Variants in HERC2 observed in about 807,000 individuals in gnomAD.
The protein encoded by HERC2 is HECT and RLD domain containing E3 ubiquitin protein ligase 2.
In HERC2, 102 loss-of-function variants were observed where a neutral mutation model predicts 537.7. The observed-to-expected ratio is 0.19, with a 90% CI of 0.16 to 0.22. The LOEUF (loss-of-function observed/expected upper bound fraction) is 0.22. Among genes scored for constraint, HERC2 ranks in the 10% least tolerant of loss-of-function variants. The pLI, the probability that HERC2 is intolerant of heterozygous loss-of-function variation, is 1.00. For missense variants in HERC2, 4,236 were observed against 6,198.2 expected (o/e 0.68, Z 10.63); for synonymous variants, 2,224 against 2,466.2 (o/e 0.90, Z 2.91).
chr15:28,304,285 G>A (rs2076718950), intron 2 of HERC2, among the ~76,000 whole-genome samples: 1 of 151,116 alleles, frequency 6.6e-6, no homozygotes, highest in Non-Finnish European at 1.5e-5. Context: ...GGAGTTTTCA[G>A]GTTTTTCCAA....
chr15:28,242,289 A>C (rs1000779553), intron 23 of HERC2, among the ~76,000 whole-genome samples: 2 of 152,170 alleles, frequency 1.3e-5, no homozygotes, highest in African/African-American at 2.4e-5. Context: ...CTTAAATGGC[A>C]AATTTTACCA....
chr15:28,266,873 C>A (rs1298994467), intron 12 of HERC2, among the ~76,000 whole-genome samples: 1 of 152,104 alleles, frequency 6.6e-6, no homozygotes, highest in Non-Finnish European at 1.5e-5. Flanking sequence ...AAAACCCATC[C>A]AACTCTACAT....
At chr15:28,194,144 CA>C (rs374833090) in intron 52 of HERC2, among the ~76,000 whole-genome samples, 4 of 150,760 alleles carry the variant, frequency 2.7e-5, no homozygotes, top group African/African-American at 9.7e-5. Context: ...CGGCTCACTG[CA>C]AGCTCCACAT....
chr15:28,270,640 C>T, intron 10 of HERC2, 55 bp downstream of exon 10: 1 of 1,551,002 alleles, frequency 6.4e-7, no homozygotes. Flanking sequence ...GGATGAGAAC[C>T]TACAAGTGGT....
At chr15:28,185,970 A>G (rs1264904137) in intron 56 of HERC2, among the ~76,000 whole-genome samples, 1 of 152,246 alleles carries the variant, frequency 6.6e-6, no homozygotes, top group African/African-American at 2.4e-5. Flanking sequence ...TCATCATCAC[A>G]GTGCTCAGAT....
chr15:28,244,370 G>A (rs1903450040), intron 23 of HERC2, among the ~76,000 whole-genome samples: 1 of 152,188 alleles, frequency 6.6e-6, no homozygotes, highest in African/African-American at 2.4e-5. Flanking sequence ...TCCGAGAACA[G>A]ACAGAATTAA....
At chr15:28,212,303 C>T in intron 43 of HERC2, 142 bp downstream of exon 43, 1 of 724,760 alleles carries the variant, frequency 1.4e-6, no homozygotes, top group Non-Finnish European at 2.5e-6. Context: ...GGGTTACATT[C>T]CCAACCGCAA....
chr15:28,290,973 C>G (rs58395411), intron 4 of HERC2, among the ~76,000 whole-genome samples: 10,479 of 152,100 alleles, frequency 0.069, 882 homozygotes, highest in East Asian at 0.42. Flanking sequence ...AAGAGTAAAG[C>G]AGAAATCAAT....
At chr15:28,278,407 A>T (rs1178336178) in intron 5 of HERC2, among the ~76,000 whole-genome samples, 6 of 152,140 alleles carry the variant, frequency 3.9e-5, no homozygotes, top group Non-Finnish European at 8.8e-5. Flanking sequence ...TCATCTCTAG[A>T]TTACTATAAC....
At chr15:28,310,074 G>C (rs2076898652) in intron 2 of HERC2, among the ~76,000 whole-genome samples, 1 of 152,166 alleles carries the variant, frequency 6.6e-6, no homozygotes, top group South Asian at 2.1e-4. Flanking sequence ...GAAGACTGAG[G>C]CAAGAGAATC....
intron 2 of HERC2, chr15:28,315,897 T>C (rs908711388): frequency 2.2e-6 from 1 of 461,248 alleles, no homozygotes; most frequent in African/African-American, 2.0e-5. Flanking sequence ...GATCTAGAAC[T>C]TCATCGCCCT....
At chr15:28,230,922 C>T (rs1370800551) in intron 30 of HERC2, among the ~76,000 whole-genome samples, 3 of 151,834 alleles carry the variant, frequency 2.0e-5, no homozygotes, top group Non-Finnish European at 4.4e-5. Flanking sequence ...TTTTCATGTG[C>T]CAAAATAATA....
chr15:28,190,175 ATTTTTTTTTTT>A (rs774381604), intron 55 of HERC2: 1 of 118,306 alleles, frequency 8.5e-6, no homozygotes, highest in East Asian at 2.3e-4. Flanking sequence ...CGCCCGGCTA[ATTTTTTTTTTT>A]TTTTTTTTTT....
In HERC2 at chr15:28,117,797, C is replaced by T. The variant is rs1214557394; in HGVS notation, c.13273-643G>A. 4 of 351,214 alleles carry T rather than the reference C, an allele frequency of 1.1e-5. 1 individual carries two copies. In the East Asian group the frequency reaches 2.2e-4, roughly 20 times the overall value. The allele number at this position is 351,214 out of a possible 1,614,324, so 21.8% of individuals were successfully genotyped here. On this transcript the variant is annotated intron_variant, in intron 86 of 92. Transcript: ENST00000261609. ...TCCTAAGCTACAATTGCTAAAGGCT[C>T]AGGGGCCTCCAATTCCCAAAGACAC...
chr15:28,236,819 C>T lies in HERC2; in HGVS notation c.4003+144G>A, dbSNP rs559486697. The T allele has an allele frequency of 5.9e-5, 36 of 606,314 alleles. 1 individual carries two copies. In the African/African-American group the frequency reaches 6.0e-4, roughly 10 times the overall value. 37.6% of individuals were successfully genotyped at this position (606,314 alleles called of 1,614,324 possible). A position where few individuals can be genotyped will look rare whatever the true frequency, so the allele number is the denominator to read the frequency against. ...CCCAGGCTGGTCTCAAACTCTTGAC[C>T]TCAAGCAATCCACGTGCCACAACCT... On this transcript the variant is annotated intron_variant, in intron 26 of 92. Coordinates refer to ENST00000261609, the MANE Select transcript of HERC2 (RefSeq NM_004667.6).
intron 8 of HERC2, among the ~76,000 whole-genome samples, 179 bp from the exon 9 acceptor site, chr15:28,272,565 AC>A (rs2075764911): frequency 6.6e-6 from 1 of 152,232 alleles, no homozygotes; most frequent in African/African-American, 2.4e-5. Flanking sequence ...TTAGCACAAG[AC>A]ATCGCCTTCT....
chr15:28,191,868 A>G, intron 53 of HERC2, 93 bp downstream of exon 53: 1 of 1,154,094 alleles, frequency 8.7e-7, no homozygotes, highest in Non-Finnish European at 1.2e-6. Context: ...CTATCAGCAA[A>G]ACTTTGCAGG....
In HERC2 at chr15:28,292,942, G is replaced by C; in HGVS notation, c.268C>G (p.Pro90Ala). 6.2e-7 allele frequency: 1 copy of C among 1,611,276 alleles called. No individual in the cohort carries two copies. Among genetic ancestry groups the C allele is most frequent in the Non-Finnish European group, 8.5e-7 (1 of 1,179,522 alleles). Residue 90 changes from proline (P) to alanine (A), a missense_variant, in exon 4 of 93, where the codon CCT (proline) becomes GCT (alanine). This residue lies in a region of HERC2 where 491 missense variants were observed against 559.3 expected (regional missense o/e 0.88). Transcript: ENST00000261609. ...EKKDEEETPAPIYRAKSILDS... is the reference protein window; with the variant it reads ...EKKDEEETPAAIYRAKSILDS... ...AGAATTGACTTGGCCCTATATATAG[G>C]TGCAGGAGTTTCTTCTTCATCTTTT...
At chr15:28,148,310 G>C (rs973024652) in intron 70 of HERC2, among the ~76,000 whole-genome samples, 9 of 151,940 alleles carry the variant, frequency 5.9e-5, no homozygotes, top group Non-Finnish European at 1.3e-4. Flanking sequence ...AAACACAGCA[G>C]ATGCTACCTT....
Sources: allele counts gnomAD v4.1 joint callset (sites outside exome capture counted in the v4.1 genomes callset), GRCh38; gene constraint gnomAD v4.1.1; regional missense constraint gnomAD v4.1.1; transcripts MANE v1.5; gene names NCBI Gene and HGNC (gene_info 2026-07-23, HGNC 2026-07-21).